ABCB7: variants seen among roughly 807,000 people sequenced by gnomAD.
ABCB7 encodes the protein iron-sulfur clusters transporter ABCB7, mitochondrial.
In ABCB7, 7 loss-of-function variants were observed where a neutral mutation model predicts 54.4. That is an observed-to-expected ratio of 0.13 (90% CI 0.07 to 0.24). The LOEUF is 0.24. Among genes scored for constraint, ABCB7 ranks in the 10% least tolerant of loss-of-function variants. ABCB7 has a pLI of 1.00. For missense variants in ABCB7, 356 were observed against 570.4 expected (o/e 0.62, Z 3.83); for synonymous variants, 218 against 207.1 (o/e 1.05, Z -0.45).
intron 4 of ABCB7, among the ~76,000 whole-genome samples, chrX:75,093,705 T>C (rs924269148): frequency 9.2e-6 from 1 of 108,622 alleles, no homozygotes; most frequent in Non-Finnish European, 1.9e-5. Flanking sequence ...ATAAGAACTC[T>C]TTGTACTTAT....
At chrX:75,079,458 G>T (rs1011089242) in intron 4 of ABCB7, among the ~76,000 whole-genome samples, 2 of 111,250 alleles carry the variant, frequency 1.8e-5, no homozygotes, top group African/African-American at 6.6e-5. Flanking sequence ...AGCAGAACTA[G>T]ATTTAAACCA....
intron 3 of ABCB7, among the ~76,000 whole-genome samples, chrX:75,104,938 A>G (rs1447731962): frequency 2.7e-5 from 3 of 112,284 alleles, no homozygotes; most frequent in Non-Finnish European, 5.6e-5. Flanking sequence ...ATTAAAAACA[A>G]AAACCATATG....
chrX:75,150,452 T>C (rs2147583941), intron 1 of ABCB7, among the ~76,000 whole-genome samples: 1 of 110,806 alleles, frequency 9.0e-6, no homozygotes, highest in Admixed American at 9.6e-5. Context: ...TCTTAAGTAA[T>C]TAAAAGACCT....
intron 1 of ABCB7, among the ~76,000 whole-genome samples, chrX:75,131,609 A>G (rs2081973850): frequency 8.9e-6 from 1 of 111,743 alleles, no homozygotes; most frequent in African/African-American, 3.3e-5. Context: ...AAGACTACAC[A>G]CAGACCGCCA....
chrX:75,089,215 G>A (rs1213634524), intron 4 of ABCB7, among the ~76,000 whole-genome samples: 1 of 111,906 alleles, frequency 8.9e-6, no homozygotes, highest in African/African-American at 3.2e-5. Flanking sequence ...GAATGCAAAT[G>A]ATATTGGTCA....
intron 4 of ABCB7, among the ~76,000 whole-genome samples, chrX:75,097,817 A>G (rs1013492083): frequency 8.9e-6 from 1 of 111,773 alleles, no homozygotes; most frequent in African/African-American, 3.3e-5. Flanking sequence ...CCTGCCAGGC[A>G]CTGTTATAAG....
intron 1 of ABCB7, among the ~76,000 whole-genome samples, chrX:75,132,916 A>G (rs1413357642): frequency 1.8e-5 from 2 of 111,619 alleles, no homozygotes; most frequent in African/African-American, 6.5e-5. Context: ...GCAACTCTAA[A>G]GGCCAGAGTT....
intron 1 of ABCB7, among the ~76,000 whole-genome samples, chrX:75,124,351 G>C (rs908346172): frequency 1.8e-5 from 2 of 111,885 alleles, no homozygotes; most frequent in Admixed American, 9.5e-5. Context: ...CAGAAGAAAA[G>C]GTCCTGACAA....
chrX:75,064,298 G>C (rs1569217243), intron 13 of ABCB7, among the ~76,000 whole-genome samples: 2 of 111,399 alleles, frequency 1.8e-5, no homozygotes, highest in Non-Finnish European at 3.8e-5. Flanking sequence ...TTATAATGAA[G>C]AGGAATGTGG....
At chrX:75,152,982 C>A (rs2082143880) in intron 1 of ABCB7, among the ~76,000 whole-genome samples, 1 of 111,785 alleles carries the variant, frequency 8.9e-6, no homozygotes, top group Admixed American at 9.5e-5. Context: ...TTAAATGTCA[C>A]TGAATCACCT....
intron 15 of ABCB7, among the ~76,000 whole-genome samples, chrX:75,056,581 G>A (rs1219816662): frequency 1.8e-5 from 2 of 111,559 alleles, no homozygotes; most frequent in Non-Finnish European, 3.8e-5. Flanking sequence ...TTTTAGTGAG[G>A]AACAGTATTT....
At chrX:75,117,201 C>CA (rs1471599986) in intron 1 of ABCB7, among the ~76,000 whole-genome samples, 2 of 110,829 alleles carry the variant, frequency 1.8e-5, no homozygotes, top group Non-Finnish European at 3.8e-5. Context: ...GACCCCTTTC[C>CA]AGTAACATCT....
At chrX:75,149,635 T>C (rs1320493749) in intron 1 of ABCB7, among the ~76,000 whole-genome samples, 1 of 111,656 alleles carries the variant, frequency 9.0e-6, no homozygotes, top group African/African-American at 3.3e-5. Context: ...CTGTGGAAGA[T>C]AAAAACAAAA....
intron 1 of ABCB7, among the ~76,000 whole-genome samples, chrX:75,127,774 A>C (rs1459877637): frequency 8.9e-6 from 1 of 112,230 alleles, no homozygotes; most frequent in South Asian, 3.7e-4. Flanking sequence ...TTCAATGTGC[A>C]AAAATCACAA....
chrX:75,062,382 G>C lies in ABCB7; in HGVS notation c.1881C>G (p.Pro627=). Reference sequence around the variant, plus strand: ...TAGCTTCATCATAGAGTATGACTGGGGGGTCCTTCAAAATGGCTCTTGCAA... The same window carrying C: ...TAGCTTCATCATAGAGTATGACTGGCGGGTCCTTCAAAATGGCTCTTGCAA... ...VAIARAILKD[P]PVILYDEATS... is the part of the protein sequence containing the mutation. Residue 627 remains proline (P), a synonymous_variant, in exon 14 of 16, where the codon CCC becomes CCG. Coordinates refer to ENST00000373394, the MANE Select transcript of ABCB7 (RefSeq NM_001271696.3). 1.7e-6 allele frequency: 2 copies of C among 1,210,706 alleles called. No individual in the cohort carries two copies. The highest frequency in any genetic ancestry group is 1.1e-6 in the Non-Finnish European group (1 of 894,807).
chrX:75,060,888 G>A (rs759530002), intron 14 of ABCB7, among the ~76,000 whole-genome samples: 2 of 111,380 alleles, frequency 1.8e-5, no homozygotes, highest in Non-Finnish European at 3.8e-5. Context: ...TAACGCATCC[G>A]GGAAATACAT....
At chrX:75,155,454 C>A (rs2082166682) in intron 1 of ABCB7, among the ~76,000 whole-genome samples, 1 of 112,340 alleles carries the variant, frequency 8.9e-6, no homozygotes, top group Admixed American at 9.4e-5. Context: ...GCACTACAAC[C>A]ATAGCTACAT....
chrX:75,078,041 G>A (rs1457885056), intron 4 of ABCB7, among the ~76,000 whole-genome samples: 1 of 109,015 alleles, frequency 9.2e-6, no homozygotes, highest in Non-Finnish European at 1.9e-5. Flanking sequence ...AGCCACCTGA[G>A]TAGCTGAGAT....
In ABCB7 at chrX:75,052,068, A is replaced by AGTGATTAGAAT. The variant is rs1314389092; in HGVS notation, c.*1301_*1302insATTCTAATCAC. 1.1e-4 allele frequency: 12 copies of AGTGATTAGAAT among 112,257 alleles called. No individual in the cohort carries two copies. Among genetic ancestry groups the AGTGATTAGAAT allele is most frequent in the Non-Finnish European group, 1.9e-4 (10 of 53,249 alleles). 9.3% of individuals were successfully genotyped at this position (112,257 alleles called of 1,213,427 possible). ...TTTATGGAAAAATAAAATTCTAATC[A>AGTGATTAGAAT]CTAGATGATAGTTATGGTGCTGCTT... On this transcript the variant is annotated 3_prime_UTR_variant, in exon 16 of 16. Transcript: ENST00000373394.
Sources: gnomAD v4.1 joint callset for allele counts (sites outside exome capture counted in the v4.1 genomes callset) on GRCh38, gnomAD v4.1.1 for gene constraint, MANE v1.5 for transcripts, NCBI Gene and HGNC (gene_info 2026-07-23, HGNC 2026-07-21) for gene names.